Variants in SYNJ1 observed in about 807,000 individuals in gnomAD.
SYNJ1 encodes synaptojanin 1.
A neutral mutation model predicts 168.2 loss-of-function variants in SYNJ1; 78 were observed. That is an observed-to-expected ratio of 0.46 (90% confidence interval 0.39 to 0.56). SYNJ1 has a LOEUF of 0.56. Ranked by LOEUF, SYNJ1 falls within the 20% of genes least tolerant of loss-of-function variation. SYNJ1 has a pLI of 0.00. For synonymous variants in SYNJ1, 539 were observed against 548.6 expected (o/e 0.98, Z 0.24); for missense variants, 1,303 against 1,597.6 (o/e 0.82, Z 3.14).
intron 6 of SYNJ1, among the ~76,000 whole-genome samples, chr21:32,688,703 G>C (rs1227209491): frequency 4.6e-5 from 7 of 152,116 alleles, no homozygotes; most frequent in Non-Finnish European, 1.0e-4. Flanking sequence ...CTGTGTAACA[G>C]ATACTATTAC....
At chr21:32,719,299 T>C (rs2043132524) in intron 2 of SYNJ1, among the ~76,000 whole-genome samples, 1 of 152,256 alleles carries the variant, frequency 6.6e-6, no homozygotes, top group Non-Finnish European at 1.5e-5. Context: ...AGTGCATTCC[T>C]TGGATGATAT....
rs57257560 is a variant in SYNJ1, at chr21:32,631,618, A to AAGTGATT, written c.*186_*187insAATCACT. 1 of 1,612,850 alleles carries AAGTGATT rather than the reference A, an allele frequency of 6.2e-7. No individual in the cohort carries two copies. On this transcript the variant is annotated 3_prime_UTR_variant, in exon 33 of 33. Coordinates refer to ENST00000674351, the MANE Select transcript of SYNJ1 (RefSeq NM_203446.3). ...GTTGGCATGCAACTTACAGAACTCA[A>AAGTGATT]AACATTACTTTGCGTTGCAGAAGGC...
At chr21:32,669,698 C>T (rs1433168068) in intron 15 of SYNJ1, among the ~76,000 whole-genome samples, 3 of 152,148 alleles carry the variant, frequency 2.0e-5, no homozygotes, top group African/African-American at 7.2e-5. Flanking sequence ...TCTCTGTTAT[C>T]TATACTACAG....
At chr21:32,642,758 A>G (rs2039899498) in intron 27 of SYNJ1, among the ~76,000 whole-genome samples, 1 of 152,246 alleles carries the variant, frequency 6.6e-6, no homozygotes, top group Admixed American at 6.5e-5. Flanking sequence ...AGGTAGCTGA[A>G]GGATAAAATG....
In SYNJ1 at chr21:32,645,404, C is replaced by A. The variant is rs576968183; in HGVS notation, c.3391+242G>T. ...ATTAGCAAAAACAAAATAAACCTCT[C>A]TGGCTGGCTGGTGAGAAGGCAGCTA... On this transcript the variant is annotated intron_variant, in intron 25 of 32. Coordinates refer to ENST00000674351, the MANE Select transcript of SYNJ1 (RefSeq NM_203446.3). Among the ~76,000 whole-genome samples the A allele has an allele frequency of 7.4e-4, 112 of 152,300 alleles. 3 individuals are homozygous for A. The South Asian group carries it at 0.023, about 31-fold the overall frequency.
chr21:32,720,577 T>C (rs2043185247), intron 2 of SYNJ1, among the ~76,000 whole-genome samples: 1 of 152,236 alleles, frequency 6.6e-6, no homozygotes, highest in Non-Finnish European at 1.5e-5. Context: ...TGCAGTGATA[T>C]GGCCTTGCTA....
intron 21 of SYNJ1, among the ~76,000 whole-genome samples, chr21:32,654,328 G>C (rs571461715): frequency 6.6e-6 from 1 of 152,268 alleles, no homozygotes; most frequent in African/African-American, 2.4e-5. Context: ...GGAGGGAACC[G>C]ATTTCTACAA....
At chr21:32,681,751 A>G (rs2146049108) in intron 10 of SYNJ1, 103 bp from the exon 11 acceptor site, 1 of 981,744 alleles carries the variant, frequency 1.0e-6, no homozygotes, top group South Asian at 2.2e-5. Flanking sequence ...TCATTATAGC[A>G]CTATTTGGGA....
chr21:32,701,306 AACTATATT>A (rs1410249136), intron 3 of SYNJ1, among the ~76,000 whole-genome samples: 1 of 152,210 alleles, frequency 6.6e-6, no homozygotes, highest in East Asian at 1.9e-4. Context: ...AATGGAAATC[AACTATATT>A]ACTAAGTTCA....
chr21:32,693,790 A>G (rs576394046), intron 6 of SYNJ1, among the ~76,000 whole-genome samples: 1 of 152,296 alleles, frequency 6.6e-6, no homozygotes, highest in Non-Finnish European at 1.5e-5. Flanking sequence ...TGAGACACAC[A>G]AGGGTTAAAT....
At chr21:32,650,430 T>C in intron 22 of SYNJ1, 84 bp from the exon 23 acceptor site, 1 of 1,210,020 alleles carries the variant, frequency 8.3e-7, no homozygotes. Context: ...CGTTAAACTA[T>C]GCAATGGTAT....
chr21:32,728,155 C>A, upstream of SYNJ1: 2 of 1,291,066 alleles, frequency 1.5e-6, no homozygotes, highest in African/African-American at 1.6e-5. Context: ...CGCGGGCGGC[C>A]CCAGCCTCAG....
intron 2 of SYNJ1, among the ~76,000 whole-genome samples, chr21:32,703,298 C>G (rs1289392592): frequency 6.6e-6 from 1 of 152,192 alleles, no homozygotes; most frequent in Admixed American, 6.5e-5. Context: ...ATTCGCCAAC[C>G]CGTTAAAGTG....
At chr21:32,704,172 C>T (rs1174019686) in intron 2 of SYNJ1, among the ~76,000 whole-genome samples, 3 of 152,336 alleles carry the variant, frequency 2.0e-5, no homozygotes, top group East Asian at 1.9e-4. Flanking sequence ...TCTCTCAGGA[C>T]TGATGAAGGC....
Position 32,685,989 on chromosome 21 carries a change from A to G in SYNJ1, c.949-72T>C, listed in dbSNP as rs903098333. 2.7e-6 allele frequency: 4 copies of G among 1,476,420 alleles called. No individual in the cohort carries two copies. The African/African-American group carries it at 5.7e-5, about 21-fold the overall frequency. 91.5% of individuals were successfully genotyped at this position (1,476,420 alleles called of 1,614,324 possible). ...AAATATCCATCTAAATATTCATCAC[A>G]TTTCATTGACACTGGCAATAAATCT... On this transcript the variant is annotated intron_variant, in intron 8 of 32. Coordinates refer to ENST00000674351, the MANE Select transcript of SYNJ1 (RefSeq NM_203446.3).
In SYNJ1 at chr21:32,666,064, C is replaced by T. The variant is rs922108456; in HGVS notation, c.2024G>A (p.Arg675Gln). 4 of 1,613,826 alleles carry T rather than the reference C, an allele frequency of 2.5e-6. No individual in the cohort carries two copies. Among genetic ancestry groups the T allele is most frequent in the African/African-American group, 1.3e-5 (1 of 74,914 alleles). The change falls in exon 17 of 33, where the codon CGA becomes CAA. Residue 675 changes from arginine (R) to glutamine (Q), a missense_variant. By Grantham distance (43) the Arg-to-Gln change is conservative. Transcript: ENST00000674351. ...ATGNKGAVAI[R>Q]MLFHTTSLCF... The stretch of plus-strand genomic sequence containing the variant: ...AAGGCTGGTTGTATGGAAGAGCATT[C>T]GGATTGCAACTGCTCCCTTATTTCC...
chr21:32,681,660 A>C lies in SYNJ1; in HGVS notation c.1201-12T>G. On this transcript the variant is annotated splice_polypyrimidine_tract_variant and intron_variant, in intron 10 of 32. Transcript: ENST00000674351. Reference sequence around the variant, plus strand: ...TGTTTAGCTAGCATCTTAAAAAGCAAACAAGAAATTTTTATAAGTACATTA... The same window carrying C: ...TGTTTAGCTAGCATCTTAAAAAGCACACAAGAAATTTTTATAAGTACATTA... 1 of 1,603,038 alleles carries C rather than the reference A, an allele frequency of 6.2e-7. No homozygotes were observed. The highest frequency in any genetic ancestry group is 1.4e-5 in the African/African-American group (1 of 74,064).
At chr21:32,650,971 A>G (rs1272434671) in intron 22 of SYNJ1, among the ~76,000 whole-genome samples, 1 of 152,244 alleles carries the variant, frequency 6.6e-6, no homozygotes, top group Admixed American at 6.5e-5. Context: ...TGCCTTCTCT[A>G]TAAATTTGGG....
intron 2 of SYNJ1, among the ~76,000 whole-genome samples, chr21:32,712,839 G>A (rs1233812485): frequency 1.3e-5 from 2 of 152,182 alleles, no homozygotes; most frequent in Non-Finnish European, 2.9e-5. Context: ...TTTATAGTGA[G>A]ACAGGAAGGC....
Sources: allele counts gnomAD v4.1 joint callset (sites outside exome capture counted in the v4.1 genomes callset), GRCh38; gene constraint gnomAD v4.1.1; transcripts MANE v1.5; gene names NCBI Gene and HGNC (gene_info 2026-07-23, HGNC 2026-07-21).